PDE6A: variants seen among roughly 807,000 people sequenced by gnomAD.
PDE6A encodes the protein phosphodiesterase 6A, also known as rod cGMP-specific 3',5'-cyclic phosphodiesterase subunit alpha.
A neutral mutation model predicts 106.3 loss-of-function variants in PDE6A; 84 were observed. The ratio of observed to expected loss-of-function variants is 0.79; its 90% CI spans 0.66 to 0.95. PDE6A has a LOEUF of 0.95. PDE6A is among the 40% of genes least tolerant of loss of function. The pLI, the probability that PDE6A is intolerant of heterozygous loss-of-function variation, is 0.00. For missense variants in PDE6A, 1,052 were observed against 1,084.9 expected (o/e 0.97, Z 0.43); for synonymous variants, 394 against 386.6 (o/e 1.02, Z -0.23).
rs201026028 is a variant in PDE6A at position 149,896,699 on chromosome 5, G to A, written c.1473+12C>T. 4.8e-5 allele frequency: 78 copies of A among 1,614,024 alleles called. No individual in the cohort carries two copies. The highest frequency in any genetic ancestry group is 3.1e-4 in the African/African-American group (23 of 74,994). On this transcript the variant is annotated intron_variant, in intron 11 of 21. Coordinates refer to ENST00000255266, the MANE Select transcript of PDE6A (RefSeq NM_000440.3). ...TATACATCGGGGCTCGTGCTGCCCCGGTTCAGCTCACCAGGATCTCAGCCA... is the reference window on the plus strand; with the variant it reads ...TATACATCGGGGCTCGTGCTGCCCCAGTTCAGCTCACCAGGATCTCAGCCA...
At chr5:149,886,443 G>T in intron 13 of PDE6A, 69 bp from the exon 14 acceptor site, 7 of 1,179,944 alleles carry the variant, frequency 5.9e-6, no homozygotes, top group Non-Finnish European at 8.8e-6. Context: ...GAAAAGGCGG[G>T]TGTAAGGAGG....
intron 5 of PDE6A, among the ~76,000 whole-genome samples, chr5:149,917,900 G>T (rs926709694): frequency 6.6e-6 from 1 of 152,114 alleles, no homozygotes; most frequent in African/African-American, 2.4e-5. Flanking sequence ...ATCAGGGCCG[G>T]GTATATAGAG....
chr5:149,885,326 G>A (rs1366317703), intron 14 of PDE6A, among the ~76,000 whole-genome samples: 1 of 152,230 alleles, frequency 6.6e-6, no homozygotes, highest in African/African-American at 2.4e-5. Context: ...CATGAATTCA[G>A]AGCTTGTTAA....
chr5:149,937,462 C>T (rs962599196), intron 1 of PDE6A, among the ~76,000 whole-genome samples: 3 of 152,150 alleles, frequency 2.0e-5, no homozygotes, highest in Non-Finnish European at 4.4e-5. Context: ...ACTGCAGCCT[C>T]GACCTCCTGA....
intron 1 of PDE6A, among the ~76,000 whole-genome samples, chr5:149,939,875 G>A (rs546213603): frequency 6.6e-6 from 1 of 151,300 alleles, no homozygotes; most frequent in Admixed American, 6.6e-5. Flanking sequence ...GTACAGAATA[G>A]CAGAGCAATT....
intron 10 of PDE6A, 141 bp from the exon 11 acceptor site, chr5:149,896,917 G>A: frequency 1.1e-6 from 1 of 918,394 alleles, no homozygotes; most frequent in Non-Finnish European, 1.7e-6. Flanking sequence ...ATCCATTGAT[G>A]CACAAGGTCC....
intron 6 of PDE6A, among the ~76,000 whole-genome samples, chr5:149,914,067 A>G (rs1391236450): frequency 6.6e-6 from 1 of 152,210 alleles, no homozygotes; most frequent in Non-Finnish European, 1.5e-5. Context: ...GTAGCACTGC[A>G]GAAAACAGTT....
chr5:149,887,262 A>G (rs955769132), intron 13 of PDE6A, among the ~76,000 whole-genome samples: 1 of 152,246 alleles, frequency 6.6e-6, no homozygotes, highest in African/African-American at 2.4e-5. Context: ...ATCATGGATA[A>G]GCCTCAAAAA....
At chr5:149,940,749 C>T (rs962121371) in intron 1 of PDE6A, among the ~76,000 whole-genome samples, 10 of 152,204 alleles carry the variant, frequency 6.6e-5, no homozygotes, top group Admixed American at 2.0e-4. Flanking sequence ...CTGCCTGCCT[C>T]GGCCTCCCAA....
At chr5:149,877,137 C>T (rs1242211573) in intron 17 of PDE6A, among the ~76,000 whole-genome samples, 1 of 152,168 alleles carries the variant, frequency 6.6e-6, no homozygotes, top group Admixed American at 6.5e-5. Context: ...GACAGTGATA[C>T]ATTTTCTGAA....
intron 6 of PDE6A, among the ~76,000 whole-genome samples, chr5:149,913,752 A>G (rs74859014): frequency 0.032 from 4,927 of 152,294 alleles, 279 homozygotes; most frequent in African/African-American, 0.11. Flanking sequence ...GGACAGAACC[A>G]TGGATGTGGC....
chr5:149,896,642 C>A (rs11748849), intron 11 of PDE6A, 69 bp downstream of exon 11: 32,811 of 1,613,788 alleles, frequency 0.02, 402 homozygotes, highest in Middle Eastern at 0.037. Flanking sequence ...CAAGGAGAAA[C>A]CCCTGCATGC....
intron 5 of PDE6A, among the ~76,000 whole-genome samples, chr5:149,918,202 G>A (rs1324043773): frequency 6.6e-6 from 1 of 152,196 alleles, no homozygotes; most frequent in Non-Finnish European, 1.5e-5. Flanking sequence ...CCCCGTCCAA[G>A]GGTCTTAGCT....
At chr5:149,908,942 A>G (rs1399772860) in intron 6 of PDE6A, among the ~76,000 whole-genome samples, 1 of 152,162 alleles carries the variant, frequency 6.6e-6, no homozygotes, top group Non-Finnish European at 1.5e-5. Context: ...GAAAGTTTTG[A>G]TTTATTTTAT....
chr5:149,864,051 A>G (rs1760238593), intron 20 of PDE6A, among the ~76,000 whole-genome samples: 1 of 152,022 alleles, frequency 6.6e-6, no homozygotes, highest in Non-Finnish European at 1.5e-5. Context: ...AAGCTCCCAA[A>G]GCCCTCTCTT....
rs766000466 is a variant in PDE6A at position 149,944,454 on chromosome 5, T to C, written c.220A>G (p.Thr74Ala). Residue 74 changes from threonine to alanine, a missense_variant, in exon 1 of 22, where the codon ACA becomes GCA. Thr to Ala is a moderately conservative substitution (Grantham distance 58, BLOSUM62 0). Transcript: ENST00000255266. Reference protein sequence around the residue: ...LLRDFQENLQTEKCIFNVMKK... With the variant: ...LLRDFQENLQAEKCIFNVMKK... The stretch of plus-strand genomic sequence containing the variant: ...ATGACATTGAAGATGCATTTCTCTG[T>C]CTGTAAATTCTCCTGAAAGTCCCGC... 1 of 1,614,122 alleles carries C rather than the reference T, an allele frequency of 6.2e-7. No individual in the cohort carries two copies. Among genetic ancestry groups the C allele is most frequent in the South Asian group, 1.1e-5 (1 of 91,056 alleles).
chr5:149,862,930 C>T (rs954219557), intron 21 of PDE6A, among the ~76,000 whole-genome samples, 189 bp downstream of exon 21: 2 of 152,148 alleles, frequency 1.3e-5, no homozygotes, highest in Admixed American at 6.5e-5. Flanking sequence ...ATCTTGGGAA[C>T]CGGGCTCTGT....
chr5:149,930,224 C>A (rs774639440), intron 4 of PDE6A, among the ~76,000 whole-genome samples: 1 of 152,186 alleles, frequency 6.6e-6, no homozygotes, highest in Non-Finnish European at 1.5e-5. Context: ...AGTTTGGGAG[C>A]CTCTGGACTA....
In PDE6A at chr5:149,863,811, A is replaced by G. The variant is rs1490617237; in HGVS notation, c.2359-545T>C. Among the ~76,000 whole-genome samples the G allele has an allele frequency of 6.6e-6, 1 of 151,980 alleles. No individual in the cohort carries two copies. Among genetic ancestry groups the G allele is most frequent in the African/African-American group, 2.4e-5 (1 of 41,374 alleles). On this transcript the variant is annotated intron_variant, in intron 20 of 21. Coordinates refer to ENST00000255266, the MANE Select transcript of PDE6A (RefSeq NM_000440.3). The surrounding 1 kb of genome is among the most constrained non-coding windows in gnomAD (Gnocchi z 4.7). ...GGTAATTTTTTTTATTTTTGTAGATACAGGGTCTCCCTATGTTGCCTAGGC... is the reference window on the plus strand; with the variant it reads ...GGTAATTTTTTTTATTTTTGTAGATGCAGGGTCTCCCTATGTTGCCTAGGC...
Sources: gnomAD v4.1 joint callset for allele counts (sites outside exome capture counted in the v4.1 genomes callset) on GRCh38, gnomAD v4.1.1 for gene constraint, Gnocchi (gnomAD v3.1) non-coding constraint, MANE v1.5 for transcripts, NCBI Gene and HGNC (gene_info 2026-07-23, HGNC 2026-07-21) for gene names.